Variants in COX10 observed in about 807,000 individuals in gnomAD.
COX10 encodes cytochrome c oxidase assembly factor heme A:farnesyltransferase COX10, also known as protoheme IX farnesyltransferase, mitochondrial.
Under a neutral mutation model 37.3 loss-of-function variants are expected in COX10, and 27 were observed. The observed-to-expected ratio is 0.72, with a 90% CI of 0.53 to 1.00. The LOEUF (loss-of-function observed/expected upper bound fraction) is 1.00. COX10 is among the 50% of genes least tolerant of loss of function. The probability of loss-of-function intolerance (pLI) is 0.00; values close to 1 mark genes in which losing one functional copy is unlikely to be tolerated. For synonymous variants in COX10, 222 were observed against 229.1 expected (o/e 0.97, Z 0.28); for missense variants, 475 against 563.2 (o/e 0.84, Z 1.59).
At chr17:14,125,169 C>T (rs913897836) in intron 4 of COX10, among the ~76,000 whole-genome samples, 1 of 152,086 alleles carries the variant, frequency 6.6e-6, no homozygotes, top group African/African-American at 2.4e-5. Flanking sequence ...TTTATCCTGC[C>T]ACATCTAGTT....
chr17:14,074,793 C>T (rs1597490252), intron 2 of COX10, among the ~76,000 whole-genome samples: 1 of 152,182 alleles, frequency 6.6e-6, no homozygotes, highest in Non-Finnish European at 1.5e-5. Context: ...GTGACTATAT[C>T]AGTAATAGAG....
intron 3 of COX10, among the ~76,000 whole-genome samples, chr17:14,096,330 T>C (rs911390499): frequency 3.9e-5 from 6 of 151,920 alleles, no homozygotes; most frequent in African/African-American, 1.5e-4. Flanking sequence ...GCATATCTCA[T>C]TGTGATTGTT....
intron 4 of COX10, among the ~76,000 whole-genome samples, chr17:14,158,647 A>G (rs564997836): frequency 1.3e-5 from 2 of 152,292 alleles, no homozygotes; most frequent in Non-Finnish European, 2.9e-5. Context: ...TTCTCTTGAA[A>G]AAAGGTTTCA....
At chr17:14,147,703 G>A (rs1904765042) in intron 4 of COX10, among the ~76,000 whole-genome samples, 1 of 148,558 alleles carries the variant, frequency 6.7e-6, no homozygotes, top group Non-Finnish European at 1.5e-5. Context: ...TTTCCATGAT[G>A]TGACTATTAT....
chr17:14,192,563 G>A (rs893858909), intron 6 of COX10, among the ~76,000 whole-genome samples: 1 of 152,228 alleles, frequency 6.6e-6, no homozygotes, highest in Non-Finnish European at 1.5e-5. Flanking sequence ...TCATGGGGCG[G>A]GGAGAAGGTA....
intron 4 of COX10, among the ~76,000 whole-genome samples, chr17:14,105,175 A>G (rs1026596923): frequency 6.6e-6 from 1 of 152,184 alleles, no homozygotes; most frequent in Non-Finnish European, 1.5e-5. Context: ...GATTACATAT[A>G]CGTGATTTTT....
chr17:14,181,333 G>C (rs1010473285), intron 5 of COX10, among the ~76,000 whole-genome samples: 41 of 151,762 alleles, frequency 2.7e-4, no homozygotes, highest in African/African-American at 9.9e-4. Context: ...TTGGCCTGCT[G>C]TGCCAGGCTG....
At chr17:14,082,232 G>A (rs1270898302) in intron 3 of COX10, among the ~76,000 whole-genome samples, 2 of 152,160 alleles carry the variant, frequency 1.3e-5, no homozygotes, top group Non-Finnish European at 2.9e-5. Flanking sequence ...GAGGGAGGAA[G>A]ACCGGAAAAG....
chr17:14,185,947 G>A (rs1314554357), intron 5 of COX10, among the ~76,000 whole-genome samples: 3 of 151,848 alleles, frequency 2.0e-5, no homozygotes, highest in Non-Finnish European at 4.4e-5. Context: ...GGGAGAGGAG[G>A]GCCCGCTCTC....
At chr17:14,090,868 G>A (rs1915512768) in intron 3 of COX10, among the ~76,000 whole-genome samples, 1 of 152,114 alleles carries the variant, frequency 6.6e-6, no homozygotes, top group East Asian at 1.9e-4. Context: ...CAAGAGGGCC[G>A]GGAACACATC....
rs2142182514 is a variant in COX10 at position 14,076,967 on chromosome 17, CAA to C, written c.413_414del (p.Lys138ArgfsTer14). On this transcript the variant is annotated frameshift_variant, in exon 3 of 7. Transcript: ENST00000261643. LOFTEE classifies it high-confidence loss of function. ...GACTCAATAGATGTAGGGAAAGAGA[CAA>C]AAGAGGAAAAGCGGTGGAAAGAGAT... 5.6e-6 allele frequency: 9 copies of C among 1,612,946 alleles called. No individual in the cohort carries two copies. The highest frequency in any genetic ancestry group is 7.6e-6 in the Non-Finnish European group (9 of 1,179,684).
chr17:14,137,467 A>C (rs1339603227), intron 4 of COX10, among the ~76,000 whole-genome samples: 1 of 151,888 alleles, frequency 6.6e-6, no homozygotes, highest in Non-Finnish European at 1.5e-5. Flanking sequence ...TGGATCAAAA[A>C]ATATTTATAC....
chr17:14,121,454 G>A (rs186090057), intron 4 of COX10, among the ~76,000 whole-genome samples: 2 of 152,262 alleles, frequency 1.3e-5, no homozygotes, highest in Admixed American at 1.3e-4. Flanking sequence ...AAAATATCAT[G>A]AGTTCTAACA....
chr17:14,112,017 A>G (rs1279349753), intron 4 of COX10, among the ~76,000 whole-genome samples: 1 of 152,168 alleles, frequency 6.6e-6, no homozygotes, highest in Non-Finnish European at 1.5e-5. Flanking sequence ...AATTCCTTTC[A>G]TGATTTTCAC....
intron 2 of COX10, among the ~76,000 whole-genome samples, chr17:14,076,454 C>T (rs1466446932): frequency 6.6e-6 from 1 of 150,778 alleles, no homozygotes; most frequent in Non-Finnish European, 1.5e-5. Flanking sequence ...AGATGAATAA[C>T]AAGTAAATTT....
In COX10 at chr17:14,074,414, G is replaced by A; in HGVS notation, c.135G>A (p.Lys45=). The A allele has an allele frequency of 6.2e-7, 1 of 1,613,930 alleles. No individual in the cohort carries two copies. The highest frequency in any genetic ancestry group is 8.5e-7 in the Non-Finnish European group (1 of 1,179,812). ...KFLHLLRNVN[K]QWITFQHFSF... ...TACATCTTCTCAGGAATGTCAATAAGCAGTGGATTACATTTCAGCACTTTA... is the reference window on the plus strand; with the variant it reads ...TACATCTTCTCAGGAATGTCAATAAACAGTGGATTACATTTCAGCACTTTA... The change falls in exon 2 of 7, where the codon AAG becomes AAA. Residue 45 remains lysine (K), a synonymous_variant. Transcript: ENST00000261643.
chr17:14,188,380 G>T (rs1401555426), intron 5 of COX10, among the ~76,000 whole-genome samples: 1 of 151,672 alleles, frequency 6.6e-6, no homozygotes, highest in Non-Finnish European at 1.5e-5. Flanking sequence ...AAATCATATT[G>T]TGTGCCATGT....
intron 3 of COX10, among the ~76,000 whole-genome samples, chr17:14,097,144 T>C (rs78632912): frequency 6.6e-6 from 1 of 152,172 alleles, no homozygotes; most frequent in Admixed American, 6.6e-5. Flanking sequence ...ACAAAATGAT[T>C]CCATGTAATG....
At chr17:14,098,192 C>G (rs1353661339) in intron 3 of COX10, among the ~76,000 whole-genome samples, 1 of 152,122 alleles carries the variant, frequency 6.6e-6, no homozygotes, top group East Asian at 1.9e-4. Context: ...CGTTTGTGTT[C>G]AAGGCCTTAA....
Sources: gnomAD v4.1 joint callset for allele counts (sites outside exome capture counted in the v4.1 genomes callset) on GRCh38, gnomAD v4.1.1 for gene constraint, MANE v1.5 for transcripts, NCBI Gene and HGNC (gene_info 2026-07-23, HGNC 2026-07-21) for gene names.